Variants in RSPO3 observed in about 807,000 individuals in gnomAD.
RSPO3 encodes R-spondin-3.
In RSPO3, 17 loss-of-function variants were observed where a neutral mutation model predicts 36.5. The ratio of observed to expected loss-of-function variants is 0.47; its 90% CI spans 0.32 to 0.70. The LOEUF (loss-of-function observed/expected upper bound fraction) is 0.70. Among genes scored for constraint, RSPO3 ranks in the 30% least tolerant of loss-of-function variants. The probability of loss-of-function intolerance (pLI) is 0.04; values close to 1 mark genes in which losing one functional copy is unlikely to be tolerated. For missense variants in RSPO3, 294 were observed against 322.5 expected (o/e 0.91, Z 0.68); for synonymous variants, 108 against 107.0 (o/e 1.01, Z -0.06).
At chr6:127,183,813 C>A (rs1240922972) in intron 4 of RSPO3, among the ~76,000 whole-genome samples, 2 of 151,892 alleles carry the variant, frequency 1.3e-5, no homozygotes. Flanking sequence ...ATACTATCCA[C>A]CCCACCTGTA....
At chr6:127,134,838 G>A (rs1482421020) in intron 1 of RSPO3, among the ~76,000 whole-genome samples, 1 of 152,258 alleles carries the variant, frequency 6.6e-6, no homozygotes. Context: ...CTAAGGAACA[G>A]ATCAAAATGA....
At chr6:127,154,953 A>T (rs1394641995) in intron 3 of RSPO3, among the ~76,000 whole-genome samples, 1 of 152,176 alleles carries the variant, frequency 6.6e-6, no homozygotes, top group Non-Finnish European at 1.5e-5. Context: ...TAAAGAATTG[A>T]TCAATTTTAG....
chr6:127,150,739 C>T (rs751196224), intron 3 of RSPO3, among the ~76,000 whole-genome samples, 167 bp downstream of exon 3: 34 of 149,318 alleles, frequency 2.3e-4, no homozygotes, highest in Admixed American at 1.2e-3. Context: ...TTTTTCATAA[C>T]CTTATCTAGT....
At chr6:127,179,107 T>A (rs1428448152) in intron 4 of RSPO3, among the ~76,000 whole-genome samples, 7 of 151,860 alleles carry the variant, frequency 4.6e-5, no homozygotes, top group Non-Finnish European at 8.8e-5. Flanking sequence ...GAATTCTTGT[T>A]CACAAATTGA....
At chr6:127,155,133 T>A (rs1774566776) in intron 3 of RSPO3, 108 bp from the exon 4 acceptor site, 1 of 1,040,314 alleles carries the variant, frequency 9.6e-7, no homozygotes, top group Non-Finnish European at 1.5e-6. Flanking sequence ...ATCTGCAAGA[T>A]TCTTCTCAAA....
At chr6:127,193,021 G>T (rs1298652213) in intron 4 of RSPO3, among the ~76,000 whole-genome samples, 1 of 152,068 alleles carries the variant, frequency 6.6e-6, no homozygotes, top group African/African-American at 2.4e-5. Flanking sequence ...ATATATTTAT[G>T]CAAAGGGTAG....
chr6:127,175,380 T>C (rs1329135128), intron 4 of RSPO3, among the ~76,000 whole-genome samples: 1 of 151,720 alleles, frequency 6.6e-6, no homozygotes, highest in East Asian at 1.9e-4. Context: ...CTTTGCTAGT[T>C]TCAATTACAG....
chr6:127,193,884 T>C (rs1194550922), intron 4 of RSPO3, among the ~76,000 whole-genome samples: 1 of 152,186 alleles, frequency 6.6e-6, no homozygotes, highest in Non-Finnish European at 1.5e-5. Flanking sequence ...AATCAGAATA[T>C]AAGTAGTTCA....
intron 4 of RSPO3, among the ~76,000 whole-genome samples, chr6:127,167,049 C>G (rs1457004485): frequency 6.6e-6 from 1 of 151,856 alleles, no homozygotes; most frequent in African/African-American, 2.4e-5. Context: ...TTTTCTTATT[C>G]TAGTATTAAC....
intron 1 of RSPO3, among the ~76,000 whole-genome samples, chr6:127,146,588 T>A (rs908652881): frequency 6.6e-6 from 1 of 152,170 alleles, no homozygotes; most frequent in African/African-American, 2.4e-5. Flanking sequence ...TAAAATTATA[T>A]CATAATTGGC....
chr6:127,145,826 T>C (rs929876278), intron 1 of RSPO3, among the ~76,000 whole-genome samples: 4 of 152,182 alleles, frequency 2.6e-5, no homozygotes, highest in African/African-American at 9.6e-5. Flanking sequence ...GAAAGACACA[T>C]GAGAAAGTAA....
At chr6:127,154,944 A>G (rs563249752) in intron 3 of RSPO3, among the ~76,000 whole-genome samples, 7 of 152,178 alleles carry the variant, frequency 4.6e-5, no homozygotes, top group Non-Finnish European at 1.0e-4. Flanking sequence ...TGGAAATTAT[A>G]AAGAATTGAT....
intron 4 of RSPO3, among the ~76,000 whole-genome samples, chr6:127,178,029 T>C (rs990693342): frequency 1.1e-4 from 16 of 151,796 alleles, no homozygotes; most frequent in African/African-American, 3.1e-4. Flanking sequence ...CTGGTATTCA[T>C]TGAATATTAA....
intron 1 of RSPO3, among the ~76,000 whole-genome samples, chr6:127,130,918 C>T (rs574856281): frequency 1.4e-4 from 22 of 151,966 alleles, no homozygotes; most frequent in African/African-American, 4.8e-4. Flanking sequence ...TATCCTTAGC[C>T]CCTCTGACTT....
intron 3 of RSPO3, 99 bp from the exon 4 acceptor site, chr6:127,155,142 A>G: frequency 2.6e-6 from 3 of 1,166,014 alleles, no homozygotes; most frequent in Non-Finnish European, 3.8e-6. Flanking sequence ...ATTCTTCTCA[A>G]ATGTGGGCAA....
chr6:127,119,764 G>A (rs777419305), intron 1 of RSPO3: 30 of 153,638 alleles, frequency 2.0e-4, no homozygotes, highest in Non-Finnish European at 3.6e-4. Context: ...TGGGCCCTTA[G>A]GCTGGACTCC....
rs1192373851 is a variant in RSPO3 at position 127,199,062 on chromosome 6, A to T, written c.*3055A>T. Among the ~76,000 whole-genome samples, 13 of 152,240 alleles carry T rather than the reference A, an allele frequency of 8.5e-5. No individual in the cohort carries two copies. Among genetic ancestry groups the T allele is most frequent in the Admixed American group, 5.2e-4 (8 of 15,284 alleles). ...AAAACAAGAATAGATATTCATTCTCACAAAGGGAGACAGCAAAGAAAATGG... is the reference window on the plus strand; with the variant it reads ...AAAACAAGAATAGATATTCATTCTCTCAAAGGGAGACAGCAAAGAAAATGG... On this transcript the variant is annotated 3_prime_UTR_variant, in exon 5 of 5. Transcript: ENST00000356698.
At position 127,198,880 on chromosome 6, in the gene RSPO3, C is replaced by A. The variant is rs1775565656; in HGVS notation, c.*2873C>A. Among the ~76,000 whole-genome samples the A allele has an allele frequency of 6.6e-6, 1 of 152,166 alleles. No homozygotes were observed. Among genetic ancestry groups the A allele is most frequent in the African/African-American group, 2.4e-5 (1 of 41,432 alleles). ...TGACTGCGTCCTTTGGAAGTTATCC[C>A]AACCCTGCTTTTCTCAAAAGTGAAA... On this transcript the variant is annotated 3_prime_UTR_variant, in exon 5 of 5. Coordinates refer to ENST00000356698, the MANE Select transcript of RSPO3 (RefSeq NM_032784.5).
At chr6:127,174,078 A>G (rs1266069538) in intron 4 of RSPO3, among the ~76,000 whole-genome samples, 1 of 142,480 alleles carries the variant, frequency 7.0e-6, no homozygotes, top group Non-Finnish European at 1.6e-5. Flanking sequence ...TGGGTTGTCA[A>G]ACATCAGTGC....
Sources: allele counts gnomAD v4.1 joint callset (sites outside exome capture counted in the v4.1 genomes callset), GRCh38; gene constraint gnomAD v4.1.1; transcripts MANE v1.5; gene names NCBI Gene and HGNC (gene_info 2026-07-23, HGNC 2026-07-21).